The following RANBP9 variants were observed in gnomAD, a reference collection of about 807,000 sequenced individuals.
The protein encoded by RANBP9 is RAN binding protein 9, also known as ran-binding protein 9.
A neutral mutation model predicts 84.3 loss-of-function variants in RANBP9; 15 were observed. That is an observed-to-expected ratio of 0.18 (90% CI 0.12 to 0.27). The LOEUF is 0.27. RANBP9 is among the 10% of genes least tolerant of loss of function. The pLI, the probability that RANBP9 is intolerant of heterozygous loss-of-function variation, is 1.00. For synonymous variants in RANBP9, 392 were observed against 349.6 expected (o/e 1.12, Z -1.35); for missense variants, 809 against 912.8 (o/e 0.89, Z 1.46).
At chr6:13,679,996 A>G (rs1316797913) in intron 2 of RANBP9, among the ~76,000 whole-genome samples, 1 of 152,170 alleles carries the variant, frequency 6.6e-6, no homozygotes, top group African/African-American at 2.4e-5. Flanking sequence ...AAATAAAGAC[A>G]AGCTAATTGG....
intron 1 of RANBP9, among the ~76,000 whole-genome samples, chr6:13,702,660 G>T (rs1211045256): frequency 2.0e-5 from 3 of 151,792 alleles, no homozygotes; most frequent in Non-Finnish European, 4.4e-5. Flanking sequence ...CATCTTCTAT[G>T]CTGACATTAG....
At chr6:13,686,504 C>T (rs1460902647) in intron 2 of RANBP9, among the ~76,000 whole-genome samples, 3 of 151,720 alleles carry the variant, frequency 2.0e-5, no homozygotes, top group East Asian at 1.9e-4. Flanking sequence ...AGGCTGGTCT[C>T]GAACTCCTGA....
intron 2 of RANBP9, among the ~76,000 whole-genome samples, chr6:13,681,269 G>A (rs1766028398): frequency 6.6e-6 from 1 of 152,052 alleles, no homozygotes; most frequent in Non-Finnish European, 1.5e-5. Context: ...GGGGTGGGAG[G>A]AGGGTTTGAG....
intron 10 of RANBP9, among the ~76,000 whole-genome samples, chr6:13,635,753 A>C (rs1254309775): frequency 1.3e-5 from 2 of 152,106 alleles, no homozygotes; most frequent in Non-Finnish European, 2.9e-5. Flanking sequence ...CCAAACTTTA[A>C]GAATAAGAAA....
At chr6:13,691,764 C>T (rs976779938) in intron 2 of RANBP9, among the ~76,000 whole-genome samples, 1 of 152,032 alleles carries the variant, frequency 6.6e-6, no homozygotes, top group Non-Finnish European at 1.5e-5. Flanking sequence ...CTCCTGTGTT[C>T]AAGCGATTCT....
chr6:13,698,048 A>G (rs1401013229), intron 1 of RANBP9, among the ~76,000 whole-genome samples: 3 of 152,112 alleles, frequency 2.0e-5, no homozygotes, highest in African/African-American at 7.2e-5. Context: ...CTCCCTTACC[A>G]CACACTTGAC....
At chr6:13,703,947 T>C (rs1758036551) in intron 1 of RANBP9, among the ~76,000 whole-genome samples, 1 of 152,216 alleles carries the variant, frequency 6.6e-6, no homozygotes, top group Non-Finnish European at 1.5e-5. Context: ...ACAATCATTA[T>C]TTTATTCATG....
intron 2 of RANBP9, among the ~76,000 whole-genome samples, chr6:13,671,447 C>T (rs1271866944): frequency 1.3e-5 from 2 of 151,966 alleles, no homozygotes; most frequent in East Asian, 3.8e-4. Flanking sequence ...ATTAATTTGG[C>T]AACAAAAAGG....
intron 5 of RANBP9, among the ~76,000 whole-genome samples, chr6:13,648,382 C>A (rs1466569196): frequency 6.6e-5 from 10 of 151,956 alleles, no homozygotes; most frequent in African/African-American, 2.4e-4. Flanking sequence ...TCTTGATCCG[C>A]CCGCCTTGGC....
At chr6:13,678,532 G>T (rs1008375675) in intron 2 of RANBP9, among the ~76,000 whole-genome samples, 2 of 152,090 alleles carry the variant, frequency 1.3e-5, no homozygotes, top group Admixed American at 1.3e-4. Flanking sequence ...GCTCACATAC[G>T]AAGCCAGTAT....
chr6:13,686,405 C>T (rs1038887587), intron 2 of RANBP9, among the ~76,000 whole-genome samples: 2 of 152,060 alleles, frequency 1.3e-5, no homozygotes, highest in African/African-American at 4.8e-5. Flanking sequence ...CCTGCCTCAG[C>T]CTCCCAAGTA....
intron 2 of RANBP9, among the ~76,000 whole-genome samples, chr6:13,660,667 A>G (rs1765521113): frequency 6.6e-6 from 1 of 152,244 alleles, no homozygotes; most frequent in South Asian, 2.1e-4. Flanking sequence ...ATTTTGATCA[A>G]GACAAAATTT....
intron 2 of RANBP9, among the ~76,000 whole-genome samples, chr6:13,666,290 TTA>T (rs1328197668): frequency 6.6e-6 from 1 of 151,954 alleles, no homozygotes; most frequent in Non-Finnish European, 1.5e-5. Flanking sequence ...TATAAAATAA[TTA>T]TAGTCAGGTC....
intron 2 of RANBP9, among the ~76,000 whole-genome samples, chr6:13,688,678 G>C (rs1584943966): frequency 6.6e-6 from 1 of 150,600 alleles, no homozygotes; most frequent in Non-Finnish European, 1.5e-5. Flanking sequence ...TTTTCCTCCT[G>C]TTATTTTTTT....
chr6:13,700,434 G>C (rs889782164), intron 1 of RANBP9, among the ~76,000 whole-genome samples: 2 of 152,112 alleles, frequency 1.3e-5, no homozygotes, highest in Non-Finnish European at 2.9e-5. Flanking sequence ...TCTTCACATT[G>C]ATCAGGCCAG....
intron 12 of RANBP9, among the ~76,000 whole-genome samples, chr6:13,631,780 C>G (rs1185635866): frequency 6.6e-6 from 1 of 152,190 alleles, no homozygotes; most frequent in African/African-American, 2.4e-5. Flanking sequence ...AACTGGTACA[C>G]AAAACTGTGG....
At chr6:13,665,693 T>C (rs993919996) in intron 2 of RANBP9, among the ~76,000 whole-genome samples, 2 of 152,168 alleles carry the variant, frequency 1.3e-5, no homozygotes, top group Non-Finnish European at 2.9e-5. Flanking sequence ...GGCAGATTTC[T>C]TCACAACAGT....
chr6:13,671,643 G>A (rs534430350), intron 2 of RANBP9, among the ~76,000 whole-genome samples: 41 of 152,224 alleles, frequency 2.7e-4, no homozygotes, highest in Middle Eastern at 3.4e-3. Context: ...TGGGAGGAGT[G>A]AGTGTTTTGG....
chr6:13,657,206 T>C lies in RANBP9; in HGVS notation c.807A>G (p.Gln269=). ...GHSFCSSGTG[Q]PYGPTFTTGD... Reference sequence around the variant, plus strand: ...CAGTAGTGAAAGTTGGTCCATAAGGTTGTCCAGTTCCAGAAGAACAAAACG... The same window carrying C: ...CAGTAGTGAAAGTTGGTCCATAAGGCTGTCCAGTTCCAGAAGAACAAAACG... The change falls in exon 4 of 14, where the codon CAA becomes CAG. Residue 269 remains glutamine, a synonymous_variant. Transcript: ENST00000011619. The C allele has an allele frequency of 6.2e-7, 1 of 1,613,490 alleles. No homozygotes were observed. The highest frequency in any genetic ancestry group is 8.5e-7 in the Non-Finnish European group (1 of 1,179,598).
Sources: allele counts gnomAD v4.1 joint callset (sites outside exome capture counted in the v4.1 genomes callset), GRCh38; gene constraint gnomAD v4.1.1; transcripts MANE v1.5; gene names NCBI Gene and HGNC (gene_info 2026-07-23, HGNC 2026-07-21).